Variants in PALLD observed in about 807,000 individuals in gnomAD.
PALLD encodes the protein palladin.
PALLD carries 61 observed loss-of-function variants against 123.5 expected under a neutral mutation model. The observed-to-expected ratio is 0.49, with a 90% CI of 0.40 to 0.61. PALLD has a LOEUF of 0.61. Among genes scored for constraint, PALLD ranks in the 20% least tolerant of loss-of-function variants. The probability of loss-of-function intolerance (pLI) is 0.00; values close to 1 mark genes in which losing one functional copy is unlikely to be tolerated. For missense variants in PALLD, 1,273 were observed against 1,377.0 expected (o/e 0.92, Z 1.20); for synonymous variants, 465 against 496.4 (o/e 0.94, Z 0.84).
chr4:168,588,888 A>T (rs1179942624), intron 2 of PALLD, among the ~76,000 whole-genome samples: 1 of 151,692 alleles, frequency 6.6e-6, no homozygotes, highest in Non-Finnish European at 1.5e-5. Flanking sequence ...TCTTCTTTCA[A>T]GTATTCTCCT....
chr4:168,918,354 A>T (rs1273043332), intron 17 of PALLD, among the ~76,000 whole-genome samples: 3 of 151,950 alleles, frequency 2.0e-5, no homozygotes, highest in Non-Finnish European at 2.9e-5. Context: ...ACATACACAC[A>T]CAGTGGAAAA....
chr4:168,814,181 G>A (rs562937750), intron 10 of PALLD, among the ~76,000 whole-genome samples: 2 of 152,300 alleles, frequency 1.3e-5, no homozygotes, highest in Non-Finnish European at 2.9e-5. Flanking sequence ...TTGAGTCTAA[G>A]CCTAAAATTT....
intron 8 of PALLD, 137 bp downstream of exon 8, chr4:168,691,429 C>A: frequency 1.4e-6 from 1 of 712,062 alleles, no homozygotes; most frequent in South Asian, 1.7e-5. Context: ...AAATGTGAAA[C>A]CCCCTTAAAA....
chr4:168,891,536 G>A (rs1754147807), intron 11 of PALLD, among the ~76,000 whole-genome samples: 2 of 152,154 alleles, frequency 1.3e-5, no homozygotes, highest in East Asian at 1.9e-4. Context: ...AAGAGAAAAC[G>A]AAAGGCCTTC....
chr4:168,663,935 C>T (rs1459440923), intron 2 of PALLD, among the ~76,000 whole-genome samples: 1 of 152,122 alleles, frequency 6.6e-6, no homozygotes, highest in Non-Finnish European at 1.5e-5. Flanking sequence ...TTATTATCAG[C>T]CCCACATTAC....
At chr4:168,875,197 C>T (rs1265876298) in intron 10 of PALLD, among the ~76,000 whole-genome samples, 2 of 150,602 alleles carry the variant, frequency 1.3e-5, no homozygotes, top group Non-Finnish European at 3.0e-5. Context: ...AGAGAAAAGA[C>T]AGCAGAAAAA....
At chr4:168,903,207 T>A (rs765508132) in intron 14 of PALLD, among the ~76,000 whole-genome samples, 2 of 152,192 alleles carry the variant, frequency 1.3e-5, no homozygotes, top group African/African-American at 2.4e-5. Context: ...AATAAAGCAG[T>A]AGTATTCCAC....
chr4:168,680,863 G>T (rs1781488246), intron 3 of PALLD, among the ~76,000 whole-genome samples: 1 of 152,140 alleles, frequency 6.6e-6, no homozygotes, highest in African/African-American at 2.4e-5. Flanking sequence ...GGGAAGGCAT[G>T]ATCCAAAATC....
intron 10 of PALLD, among the ~76,000 whole-genome samples, chr4:168,814,472 C>T (rs1162853958): frequency 4.6e-5 from 7 of 152,110 alleles, no homozygotes; most frequent in African/African-American, 4.8e-5. Flanking sequence ...AGGATGAAAC[C>T]GAACCATGTT....
intron 10 of PALLD, among the ~76,000 whole-genome samples, chr4:168,713,493 A>G (rs77931009): frequency 5.9e-5 from 9 of 152,348 alleles, no homozygotes; most frequent in African/African-American, 2.2e-4. Context: ...TCTAATGGGT[A>G]TCATAAATTG....
chr4:168,504,334 A>G (rs1761762666), intron 1 of PALLD, among the ~76,000 whole-genome samples: 1 of 152,158 alleles, frequency 6.6e-6, no homozygotes. Context: ...GGTGGCTCAC[A>G]CCTGTAATCC....
chr4:168,648,239 T>C (rs1455028646), intron 2 of PALLD: 1 of 152,118 alleles, frequency 6.6e-6, no homozygotes, highest in Non-Finnish European at 1.5e-5. Flanking sequence ...GCTGAGCAGT[T>C]TGCAGTAGCT....
intron 10 of PALLD, among the ~76,000 whole-genome samples, chr4:168,836,413 G>A (rs1745193153): frequency 6.6e-6 from 1 of 152,106 alleles, no homozygotes; most frequent in Non-Finnish European, 1.5e-5. Flanking sequence ...GGTTTCTACT[G>A]GCAAAAGCTT....
At chr4:168,807,178 G>C (rs564499952) in intron 10 of PALLD, among the ~76,000 whole-genome samples, 1 of 152,166 alleles carries the variant, frequency 6.6e-6, no homozygotes, top group African/African-American at 2.4e-5. Flanking sequence ...AGGTACAAAT[G>C]GGCATGGAAT....
chr4:168,833,439 A>G (rs940142763), intron 10 of PALLD, among the ~76,000 whole-genome samples: 1 of 152,146 alleles, frequency 6.6e-6, no homozygotes, highest in Non-Finnish European at 1.5e-5. Context: ...CTGGCTCTAC[A>G]TTTTAATGCG....
At chr4:168,590,728 A>T (rs913242444) in intron 2 of PALLD, among the ~76,000 whole-genome samples, 1 of 152,182 alleles carries the variant, frequency 6.6e-6, no homozygotes, top group Non-Finnish European at 1.5e-5. Context: ...ACACAGTAGG[A>T]TCTTGGTAAT....
At chr4:168,587,285 A>G (rs537470032) in intron 2 of PALLD, among the ~76,000 whole-genome samples, 1 of 152,354 alleles carries the variant, frequency 6.6e-6, no homozygotes, top group Admixed American at 6.5e-5. Context: ...CAGTGGAGAC[A>G]TTCTTTGAAG....
intron 2 of PALLD, among the ~76,000 whole-genome samples, chr4:168,541,070 T>C (rs1014727188): frequency 2.0e-5 from 3 of 152,238 alleles, no homozygotes; most frequent in African/African-American, 7.2e-5. Flanking sequence ...ACTTCAGTTC[T>C]ATGAAATTTA....
chr4:168,905,298 C>T (rs1757466967), intron 15 of PALLD, among the ~76,000 whole-genome samples: 1 of 150,882 alleles, frequency 6.6e-6, no homozygotes, highest in African/African-American at 2.4e-5. Flanking sequence ...CTACAGGCAC[C>T]CACCATGCCC....
Sources: gnomAD v4.1 joint callset for allele counts (sites outside exome capture counted in the v4.1 genomes callset) on GRCh38, gnomAD v4.1.1 for gene constraint, MANE v1.5 for transcripts, NCBI Gene and HGNC (gene_info 2026-07-23, HGNC 2026-07-21) for gene names.